SEPTIN9: variants seen among roughly 807,000 people sequenced by gnomAD.
SEPTIN9 encodes septin 9, also known as septin-9.
In SEPTIN9, 13 loss-of-function variants were observed where a neutral mutation model predicts 56.6. The ratio of observed to expected loss-of-function variants is 0.23; its 90% CI spans 0.15 to 0.37. The LOEUF is 0.37. Ranked by LOEUF, SEPTIN9 falls within the 10% of genes least tolerant of loss-of-function variation. The probability of loss-of-function intolerance (pLI) is 1.00; values close to 1 mark genes in which losing one functional copy is unlikely to be tolerated. For missense variants in SEPTIN9, 650 were observed against 823.1 expected, an observed-to-expected ratio of 0.79 and a Z score of 2.57; for synonymous variants, 332 against 334.1, an observed-to-expected ratio of 0.99 and a Z score of 0.07.
intron 2 of SEPTIN9, among the ~76,000 whole-genome samples, chr17:77,379,192 G>C (rs539007864): frequency 7.2e-5 from 11 of 152,186 alleles, no homozygotes; most frequent in African/African-American, 2.6e-4. Context: ...TGCCCAGCCC[G>C]TGGACCCATC....
intron 3 of SEPTIN9, among the ~76,000 whole-genome samples, chr17:77,412,386 C>T (rs953761636): frequency 7.2e-5 from 11 of 152,166 alleles, no homozygotes; most frequent in African/African-American, 2.4e-4. Context: ...GGCCAGGGCC[C>T]TGTGTTCTCT....
At chr17:77,404,408 G>C (rs1031446670) in intron 3 of SEPTIN9, among the ~76,000 whole-genome samples, 2 of 152,126 alleles carry the variant, frequency 1.3e-5, no homozygotes, top group Non-Finnish European at 2.9e-5. Flanking sequence ...ACCATGCCTG[G>C]CTAATTTTTA....
chr17:77,482,523 C>A (rs1281198564), intron 4 of SEPTIN9, 188 bp downstream of exon 4: 2 of 727,686 alleles, frequency 2.7e-6, no homozygotes, highest in Non-Finnish European at 4.9e-6. Context: ...CAGCCTCCAG[C>A]GGCTCCTCAG....
intron 2 of SEPTIN9, among the ~76,000 whole-genome samples, chr17:77,341,534 G>C (rs1207378719): frequency 1.3e-5 from 2 of 152,192 alleles, no homozygotes; most frequent in Non-Finnish European, 2.9e-5. Flanking sequence ...CAGCACTTTG[G>C]GAGGCCGAGG....
intron 3 of SEPTIN9, among the ~76,000 whole-genome samples, chr17:77,441,023 G>A (rs538524620): frequency 7.2e-5 from 11 of 152,296 alleles, no homozygotes; most frequent in South Asian, 2.1e-4. Context: ...AGGTGGCTTA[G>A]GGTCCCTGTC....
chr17:77,442,865 T>C (rs1481014144), intron 3 of SEPTIN9, among the ~76,000 whole-genome samples: 2 of 151,814 alleles, frequency 1.3e-5, no homozygotes, highest in Non-Finnish European at 2.9e-5. Context: ...AGAGTGAGAC[T>C]GTGTCTTAAA....
At chr17:77,284,883 C>T (rs2031207354) in intron 1 of SEPTIN9, among the ~76,000 whole-genome samples, 1 of 152,170 alleles carries the variant, frequency 6.6e-6, no homozygotes, top group South Asian at 2.1e-4. Context: ...CTGCCTTGGC[C>T]TCCCAAAGTG....
intron 3 of SEPTIN9, among the ~76,000 whole-genome samples, chr17:77,481,467 T>C (rs1007863154): frequency 2.0e-5 from 3 of 151,928 alleles, no homozygotes; most frequent in Non-Finnish European, 4.4e-5. Flanking sequence ...ACCCAGCACT[T>C]TTCCTTCTCC....
In SEPTIN9 at chr17:77,402,514, G is replaced by C; in HGVS notation, c.532G>C (p.Ala178Pro). 2 of 1,603,966 alleles carry C rather than the reference G, an allele frequency of 1.2e-6. No individual in the cohort carries two copies. The highest frequency in any genetic ancestry group is 1.7e-6 in the Non-Finnish European group (2 of 1,175,806). Reference protein sequence around the residue: ...PASKVPEVPTAPATDAAPKRV... With the variant: ...PASKVPEVPTPPATDAAPKRV... ...CTCCAAGGTCCCCGAGGTGCCCACT[G>C]CCCCTGCCACCGACGCAGCCCCCAA... The change falls in exon 3 of 12, where the codon GCC becomes CCC. Residue 178 changes from alanine (A) to proline (P), a missense_variant. Coordinates refer to ENST00000427177, the MANE Select transcript of SEPTIN9 (RefSeq NM_001113491.2). The surrounding 1 kb of genome is among the most constrained non-coding windows in gnomAD (Gnocchi z 6.6).
In SEPTIN9 at chr17:77,332,714, C is replaced by G. The variant is rs550915713; in HGVS notation, c.76+25517C>G. Reference sequence around the variant, plus strand: ...ACAGTCCCCACCTTCCCCAGGGCAACCACAATTGTGCTTTTTTTCCACCAC... The same window carrying G: ...ACAGTCCCCACCTTCCCCAGGGCAAGCACAATTGTGCTTTTTTTCCACCAC... On this transcript the variant is annotated intron_variant, in intron 2 of 11. Transcript: ENST00000427177. 4.6e-5 allele frequency among the ~76,000 whole-genome samples: 7 copies of G among 152,274 alleles called. No homozygotes were observed. In the South Asian group the frequency reaches 1.0e-3, roughly 23 times the overall value.
intron 2 of SEPTIN9, chr17:77,373,387 T>C (rs1448670080): frequency 1.6e-6 from 2 of 1,239,834 alleles, no homozygotes; most frequent in Admixed American, 9.0e-5. Flanking sequence ...CGGCTAGCTC[T>C]GCACTGCAGG....
intron 2 of SEPTIN9, among the ~76,000 whole-genome samples, chr17:77,388,070 G>A (rs2035402089): frequency 6.6e-6 from 1 of 152,140 alleles, no homozygotes; most frequent in South Asian, 2.1e-4. Context: ...AGGCTTCTGG[G>A]CAGAAGTGTG....
At chr17:77,358,519 G>A (rs1205632299) in intron 2 of SEPTIN9, among the ~76,000 whole-genome samples, 1 of 152,034 alleles carries the variant, frequency 6.6e-6, no homozygotes. Context: ...TACTCAAGGA[G>A]AACCCAGCTA....
Position 77,475,238 on chromosome 17 carries a change from T to G in SEPTIN9, c.722-6906T>G. The stretch of plus-strand genomic sequence containing the variant: ...GGTGAGAGGAAACCGCACACATCAT[T>G]ATTCAGTTACCATCGTGGGGAGACT... On this transcript the variant is annotated intron_variant, in intron 3 of 11. Transcript: ENST00000427177. The surrounding 1 kb of genome is among the most constrained non-coding windows in gnomAD (Gnocchi z 4.6). 1 of 1,337,664 alleles carries G rather than the reference T, an allele frequency of 7.5e-7. No individual in the cohort carries two copies. Among genetic ancestry groups the G allele is most frequent in the Non-Finnish European group, 9.6e-7 (1 of 1,043,062 alleles). The allele number at this position is 1,337,664 out of a possible 1,614,324, so 82.9% of individuals were successfully genotyped here. A position where few individuals can be genotyped will look rare whatever the true frequency, so the allele number is the denominator to read the frequency against.
At chr17:77,380,634 G>A (rs1393202359) in intron 2 of SEPTIN9, among the ~76,000 whole-genome samples, 2 of 152,182 alleles carry the variant, frequency 1.3e-5, no homozygotes, top group Non-Finnish European at 2.9e-5. Flanking sequence ...GACACCTGGA[G>A]CGGCTTTCCT....
At position 77,345,878 on chromosome 17, in the gene SEPTIN9, A is replaced by G. The variant is rs184259968; in HGVS notation, c.76+38681A>G. 3.1e-3 allele frequency among the ~76,000 whole-genome samples: 468 copies of G among 152,312 alleles called. 1 individual carries two copies. Among genetic ancestry groups the G allele is most frequent in the Non-Finnish European group, 5.9e-3 (404 of 68,030 alleles). On this transcript the variant is annotated intron_variant, in intron 2 of 11. Coordinates refer to ENST00000427177, the MANE Select transcript of SEPTIN9 (RefSeq NM_001113491.2). Reference sequence around the variant, plus strand: ...GGCCTGGCAGGATGTATGCAGAGTTAAGAGGCAATACATGGGTAACTGGCA... The same window carrying G: ...GGCCTGGCAGGATGTATGCAGAGTTGAGAGGCAATACATGGGTAACTGGCA...
In SEPTIN9 at chr17:77,451,301, C is replaced by A; in HGVS notation, c.722-30843C>A. 1 of 925,390 alleles carries A rather than the reference C, an allele frequency of 1.1e-6. No individual in the cohort carries two copies. Among genetic ancestry groups the A allele is most frequent in the Non-Finnish European group, 1.3e-6 (1 of 774,796 alleles). The allele number at this position is 925,390 out of a possible 1,614,324, so 57.3% of individuals were successfully genotyped here. On this transcript the variant is annotated intron_variant, in intron 3 of 11. Transcript: ENST00000427177. This position sits in a 1 kb window ranked among gnomAD's most constrained non-coding sequence, Gnocchi z 4.2. ...CGCTGGGCGCCCCTATCTCTGCCTG[C>A]CCCCTCCTCCTGCTCCCCTCGCCCT...
intron 3 of SEPTIN9, among the ~76,000 whole-genome samples, chr17:77,430,541 T>G (rs1181574062): frequency 6.6e-6 from 1 of 152,148 alleles, no homozygotes; most frequent in African/African-American, 2.4e-5. Context: ...CCATCACGCA[T>G]TCCCGATCTT....
chr17:77,342,987 A>ATCTGTCTGTCTGTCTGTCTGTCTG (rs1017118260), intron 2 of SEPTIN9, among the ~76,000 whole-genome samples: 16 of 131,448 alleles, frequency 1.2e-4, no homozygotes, highest in African/African-American at 4.3e-4. Context: ...AAATCAATGT[A>ATCTGTCTGTCTGTCTGTCTGTCTG]TCTGTCTGTC....
Sources: gnomAD v4.1 joint callset for allele counts (sites outside exome capture counted in the v4.1 genomes callset) on GRCh38, gnomAD v4.1.1 for gene constraint, Gnocchi (gnomAD v3.1) non-coding constraint, MANE v1.5 for transcripts, NCBI Gene and HGNC (gene_info 2026-07-23, HGNC 2026-07-21) for gene names.